FBXW8: variants seen among roughly 807,000 people sequenced by gnomAD.
The protein encoded by FBXW8 is F-box/WD repeat-containing protein 8.
In FBXW8, 57 loss-of-function variants were observed where a neutral mutation model predicts 65.3. The ratio of observed to expected loss-of-function variants is 0.87; its 90% CI spans 0.71 to 1.09. The LOEUF (loss-of-function observed/expected upper bound fraction) is 1.09. Among genes scored for constraint, FBXW8 ranks in the 50% least tolerant of loss-of-function variants. FBXW8 has a pLI of 0.00. For missense variants in FBXW8, 777 were observed against 814.8 expected (o/e 0.95, Z 0.57); for synonymous variants, 308 against 330.2 (o/e 0.93, Z 0.73).
intron 3 of FBXW8, chr12:116,949,168 G>A (rs1408303666): frequency 3.1e-5 from 5 of 161,676 alleles, no homozygotes; most frequent in Admixed American, 2.4e-4. Flanking sequence ...ATATAATTTT[G>A]CATTTTATTC....
intron 4 of FBXW8, among the ~76,000 whole-genome samples, chr12:116,959,263 C>G (rs758894873): frequency 2.0e-5 from 3 of 152,176 alleles, no homozygotes; most frequent in Non-Finnish European, 4.4e-5. Context: ...TCCTGCAAAC[C>G]TGAGTCATAA....
intron 1 of FBXW8, among the ~76,000 whole-genome samples, chr12:116,923,494 G>C (rs948823423): frequency 2.0e-5 from 3 of 151,940 alleles, no homozygotes; most frequent in African/African-American, 7.2e-5. Context: ...ATTGCTGAGA[G>C]CTATTCAACT....
intron 2 of FBXW8, among the ~76,000 whole-genome samples, chr12:116,929,845 C>T (rs1881630891): frequency 1.3e-5 from 2 of 152,172 alleles, no homozygotes; most frequent in African/African-American, 4.8e-5. Flanking sequence ...CCCATCCTGC[C>T]CCGCCAGCCA....
intron 7 of FBXW8, among the ~76,000 whole-genome samples, chr12:116,996,104 T>G (rs1341843504): frequency 6.6e-6 from 1 of 152,118 alleles, no homozygotes; most frequent in Non-Finnish European, 1.5e-5. Flanking sequence ...GCTCTTAGCA[T>G]CATTCTATGT....
chr12:116,971,061 AT>A (rs1282242905), intron 5 of FBXW8, among the ~76,000 whole-genome samples: 6 of 152,272 alleles, frequency 3.9e-5, no homozygotes, highest in Non-Finnish European at 8.8e-5. Context: ...GAATGCTCAC[AT>A]TTTAAACATT....
chr12:116,915,339 G>A (rs1880321392), intron 1 of FBXW8, among the ~76,000 whole-genome samples: 2 of 152,156 alleles, frequency 1.3e-5, no homozygotes, highest in African/African-American at 4.8e-5. Flanking sequence ...TAAACATGTA[G>A]GAATTGTCTT....
chr12:116,924,304 A>G (rs1881155637), intron 1 of FBXW8, among the ~76,000 whole-genome samples: 2 of 152,134 alleles, frequency 1.3e-5, no homozygotes, highest in African/African-American at 2.4e-5. Context: ...TTTATTTTTA[A>G]TGGACACATT....
intron 5 of FBXW8, among the ~76,000 whole-genome samples, chr12:116,971,511 T>A (rs1411500181): frequency 2.0e-5 from 3 of 152,170 alleles, no homozygotes; most frequent in Non-Finnish European, 2.9e-5. Context: ...TATTAGGGGC[T>A]GGAGGAAGTT....
At chr12:117,013,956 G>A (rs927093927) in intron 8 of FBXW8, among the ~76,000 whole-genome samples, 5 of 151,550 alleles carry the variant, frequency 3.3e-5, no homozygotes, top group Non-Finnish European at 7.4e-5. Context: ...TTTAGAATCT[G>A]TATATTTATG....
At chr12:116,938,143 AT>A (rs569899466) in intron 2 of FBXW8, among the ~76,000 whole-genome samples, 4 of 151,974 alleles carry the variant, frequency 2.6e-5, no homozygotes, top group African/African-American at 7.2e-5. Flanking sequence ...TTTCTTGTTG[AT>A]TTTTTTTCCT....
Position 116,988,663 on chromosome 12 carries a change from G to C in FBXW8, c.1033G>C (p.Val345Leu). The change falls in exon 7 of 11, where the codon GTT becomes CTT. Residue 345 changes from valine (V) to leucine (L), a missense_variant and splice_region_variant. By Grantham distance (32) the Val-to-Leu change is conservative. Transcript: ENST00000652555. ...CTAAACAACTCTTACCTTTTAACAG[G>C]TTCAGTACCTTGAAATAGTTCCAGA... ...IAAEFEVPKLVQYLEIVPETR... is the reference protein window; with the variant it reads ...IAAEFEVPKLLQYLEIVPETR... 2 of 1,614,028 alleles carry C rather than the reference G, an allele frequency of 1.2e-6. No individual in the cohort carries two copies. The highest frequency in any genetic ancestry group is 1.7e-6 in the Non-Finnish European group (2 of 1,179,946).
chr12:116,974,921 G>A (rs893196353), intron 5 of FBXW8, among the ~76,000 whole-genome samples: 2 of 152,140 alleles, frequency 1.3e-5, no homozygotes, highest in South Asian at 4.1e-4. Context: ...AAAAGATGAA[G>A]GTAGGGCATC....
intron 1 of FBXW8, among the ~76,000 whole-genome samples, chr12:116,916,372 C>G (rs920459791): frequency 6.6e-6 from 1 of 152,146 alleles, no homozygotes; most frequent in Admixed American, 6.5e-5. Flanking sequence ...TACCATAAAT[C>G]AACACCCAGC....
chr12:117,018,979 C>T (rs1954024551), intron 8 of FBXW8, among the ~76,000 whole-genome samples: 1 of 152,230 alleles, frequency 6.6e-6, no homozygotes, highest in African/African-American at 2.4e-5. Flanking sequence ...AACACTTCCG[C>T]TCCCCCTTTC....
chr12:117,021,402 T>G lies in FBXW8; in HGVS notation c.1368-2745T>G, dbSNP rs532278343. 7.2e-5 allele frequency among the ~76,000 whole-genome samples: 11 copies of G among 152,350 alleles called. No homozygotes were observed. The East Asian group carries it at 9.6e-4, about 13-fold the overall frequency. On this transcript the variant is annotated intron_variant, in intron 8 of 10. Transcript: ENST00000652555. ...TCCTCAGTTTATCATTGGACTGACT[T>G]TCTGATTGTTCCCCCCAATAGGAAA...
At chr12:116,931,771 T>C (rs190509490) in intron 2 of FBXW8, among the ~76,000 whole-genome samples, 14 of 152,318 alleles carry the variant, frequency 9.2e-5, no homozygotes, top group Admixed American at 7.8e-4. Flanking sequence ...TAGGGTTTCC[T>C]ATGTTTATGT....
chr12:116,940,741 G>C (rs1882511099), intron 2 of FBXW8, among the ~76,000 whole-genome samples: 1 of 152,056 alleles, frequency 6.6e-6, no homozygotes, highest in South Asian at 2.1e-4. Flanking sequence ...GAGCTTTAGT[G>C]GACCATTAGT....
intron 7 of FBXW8, among the ~76,000 whole-genome samples, chr12:116,991,337 G>C (rs1489150481): frequency 2.0e-5 from 3 of 152,196 alleles, no homozygotes; most frequent in Non-Finnish European, 4.4e-5. Context: ...TGGATTTTCT[G>C]CTTCCTCAGA....
chr12:116,990,406 C>T (rs1953209682), intron 7 of FBXW8, among the ~76,000 whole-genome samples: 1 of 152,174 alleles, frequency 6.6e-6, no homozygotes, highest in Non-Finnish European at 1.5e-5. Flanking sequence ...GAATTGTTTC[C>T]TAAGGCAGTT....
Sources: allele counts gnomAD v4.1 joint callset (sites outside exome capture counted in the v4.1 genomes callset), GRCh38; gene constraint gnomAD v4.1.1; transcripts MANE v1.5; gene names NCBI Gene and HGNC (gene_info 2026-07-23, HGNC 2026-07-21).